ARHGAP23: variants seen among roughly 807,000 people sequenced by gnomAD.
ARHGAP23 encodes the protein Rho GTPase activating protein 23.
Under a neutral mutation model 136.3 loss-of-function variants are expected in ARHGAP23, and 34 were observed. That is an observed-to-expected ratio of 0.25 (90% confidence interval 0.19 to 0.33). The LOEUF (loss-of-function observed/expected upper bound fraction) is 0.33, where lower values mean the gene tolerates loss of function less well. Among genes scored for constraint, ARHGAP23 ranks in the 10% least tolerant of loss-of-function variants. The pLI, the probability that ARHGAP23 is intolerant of heterozygous loss-of-function variation, is 1.00. For synonymous variants in ARHGAP23, 832 were observed against 920.5 expected (o/e 0.90, Z 1.74); for missense variants, 1,808 against 2,139.0 (o/e 0.85, Z 3.05).
chr17:38,469,928 G>A (rs370861381), intron 10 of ARHGAP23, 24 bp downstream of exon 10: 25 of 1,551,154 alleles, frequency 1.6e-5, no homozygotes, highest in African/African-American at 4.1e-5. Flanking sequence ...GTGTGTGTGC[G>A]TGCGCAGGAG....
intron 11 of ARHGAP23, among the ~76,000 whole-genome samples, chr17:38,474,751 G>C (rs1218339933): frequency 7.5e-6 from 1 of 132,528 alleles, no homozygotes; most frequent in African/African-American, 2.5e-5. Context: ...TGAGCCTTGA[G>C]AGAAGTGGGG....
intron 22 of ARHGAP23, among the ~76,000 whole-genome samples, chr17:38,500,080 C>T (rs1361706108): frequency 1.3e-5 from 2 of 152,200 alleles, no homozygotes; most frequent in African/African-American, 4.8e-5. Flanking sequence ...CATTTTTGCC[C>T]TTTTATCCAT....
At chr17:38,495,979 C>A (rs999799109) in intron 20 of ARHGAP23, among the ~76,000 whole-genome samples, 4 of 152,014 alleles carry the variant, frequency 2.6e-5, no homozygotes, top group African/African-American at 9.7e-5. Context: ...CTCACTGCAA[C>A]CTCTGCCTCC....
intron 14 of ARHGAP23, among the ~76,000 whole-genome samples, chr17:38,480,908 G>A (rs1288796064): frequency 2.0e-5 from 3 of 151,910 alleles, no homozygotes; most frequent in Non-Finnish European, 2.9e-5. Context: ...TGAGGCTGGA[G>A]GATTGCTTGA....
intron 1 of ARHGAP23, among the ~76,000 whole-genome samples, chr17:38,422,033 C>G (rs2038525189): frequency 6.6e-6 from 1 of 152,180 alleles, no homozygotes; most frequent in South Asian, 2.1e-4. Flanking sequence ...GGAACAGAAG[C>G]AGGAAGAATT....
chr17:38,433,900 G>T (rs1399318000), intron 1 of ARHGAP23, among the ~76,000 whole-genome samples: 1 of 152,156 alleles, frequency 6.6e-6, no homozygotes, highest in Non-Finnish European at 1.5e-5. Flanking sequence ...CCTGAGGTTG[G>T]CCCCGGGGTT....
intron 16 of ARHGAP23, 30 bp from the exon 17 acceptor site, chr17:38,486,032 C>T: frequency 1.3e-6 from 2 of 1,545,858 alleles, no homozygotes; most frequent in Non-Finnish European, 1.7e-6. Context: ...GCTGGGCCTG[C>T]CTGTGCCTGA....
At chr17:38,494,247 A>G (rs1387479460) in intron 20 of ARHGAP23, among the ~76,000 whole-genome samples, 3 of 152,224 alleles carry the variant, frequency 2.0e-5, no homozygotes, top group Non-Finnish European at 4.4e-5. Flanking sequence ...CCTGTAAAGC[A>G]GAGATGACAA....
chr17:38,459,721 G>A (rs1488901702), intron 2 of ARHGAP23, among the ~76,000 whole-genome samples: 4 of 152,228 alleles, frequency 2.6e-5, no homozygotes, highest in Non-Finnish European at 4.4e-5. Flanking sequence ...TGGCCTGGAG[G>A]CAGGAGGAGG....
intron 1 of ARHGAP23, among the ~76,000 whole-genome samples, chr17:38,423,000 C>T (rs941974592): frequency 6.6e-6 from 1 of 152,184 alleles, no homozygotes; most frequent in South Asian, 2.1e-4. Flanking sequence ...ACAAACCCTG[C>T]CTGCCTCCCA....
In ARHGAP23 at chr17:38,469,831, G is replaced by A. The variant is rs1489244172; in HGVS notation, c.1917-16G>A. 27 of 1,551,470 alleles carry A rather than the reference G, an allele frequency of 1.7e-5. No individual in the cohort carries two copies. The highest frequency in any genetic ancestry group is 1.2e-4 in the Admixed American group (6 of 50,984). ...TTTGCTGCCCACATCCCTCACCCTC[G>A]ACCCTCGCTTTCCAGGCGCCTGCCA... On this transcript the variant is annotated splice_polypyrimidine_tract_variant and intron_variant, in intron 9 of 23. Coordinates refer to ENST00000622683, the MANE Select transcript of ARHGAP23 (RefSeq NM_001199417.2).
rs80289037 is a variant in ARHGAP23, at chr17:38,442,936, A to G, written c.63+14388A>G. 8.5e-5 allele frequency among the ~76,000 whole-genome samples: 13 copies of G among 152,312 alleles called. No homozygotes were observed. In the East Asian group the frequency reaches 2.5e-3, roughly 29 times the overall value. On this transcript the variant is annotated intron_variant, in intron 1 of 23. Transcript: ENST00000622683. ...TGAGCAGACTCCAGAGACATCTAGG[A>G]AGCAGAGTCTACTCCGATGGGGGGA...
intron 23 of ARHGAP23, among the ~76,000 whole-genome samples, chr17:38,502,158 T>G (rs1463794229): frequency 6.6e-6 from 1 of 152,090 alleles, no homozygotes; most frequent in East Asian, 1.9e-4. Context: ...ACAAAAAAAT[T>G]AGCTGGGTGT....
intron 7 of ARHGAP23, among the ~76,000 whole-genome samples, chr17:38,468,763 G>A (rs1039893498): frequency 6.6e-6 from 1 of 152,172 alleles, no homozygotes; most frequent in Non-Finnish European, 1.5e-5. Flanking sequence ...GTCTGATGGG[G>A]AAGACACTGC....
At chr17:38,505,790 T>G (rs1333271175) in intron 23 of ARHGAP23, among the ~76,000 whole-genome samples, 21 of 151,578 alleles carry the variant, frequency 1.4e-4, no homozygotes, top group Admixed American at 1.3e-3. Context: ...TAGCTGGGGG[T>G]GGTGGTGCAC....
intron 23 of ARHGAP23, among the ~76,000 whole-genome samples, chr17:38,501,845 T>A (rs987910169): frequency 4.0e-5 from 6 of 151,568 alleles, no homozygotes; most frequent in Admixed American, 6.6e-5. Context: ...AGGAATTTTT[T>A]AAATTTTTAA....
rs899671245 is a variant in ARHGAP23 at position 38,461,034 on chromosome 17, C to A, written c.253+102C>A. ...GACTGCCTGTCCTTTTCTGTGCCCCCCTCCCTTGACTCCTGTTCCTGCCTT... is the reference window on the plus strand; with the variant it reads ...GACTGCCTGTCCTTTTCTGTGCCCCACTCCCTTGACTCCTGTTCCTGCCTT... On this transcript the variant is annotated intron_variant, in intron 3 of 23. Transcript: ENST00000622683. The A allele has an allele frequency of 4.1e-5, 61 of 1,479,984 alleles. No homozygotes were observed. The Middle Eastern group carries it at 1.0e-3, about 25-fold the overall frequency. 91.7% of individuals were successfully genotyped at this position (1,479,984 alleles called of 1,614,324 possible). A position where few individuals can be genotyped will look rare whatever the true frequency, so the allele number is the denominator to read the frequency against.
intron 12 of ARHGAP23, among the ~76,000 whole-genome samples, chr17:38,478,481 C>A (rs1260563280): frequency 1.3e-5 from 2 of 150,786 alleles, no homozygotes; most frequent in Non-Finnish European, 2.9e-5. Context: ...GTGGCGCGAT[C>A]TCAGCTCACT....
Position 38,460,892 on chromosome 17 carries a change from C to G in ARHGAP23, c.226-13C>G. On this transcript the variant is annotated splice_polypyrimidine_tract_variant and intron_variant, in intron 2 of 23. Transcript: ENST00000622683. Reference sequence around the variant, plus strand: ...TGGACTGACGCCCACACCCACTCCTCTGTTCCCTGCAGGAGGAAGAGAATG... The same window carrying G: ...TGGACTGACGCCCACACCCACTCCTGTGTTCCCTGCAGGAGGAAGAGAATG... The G allele has an allele frequency of 6.5e-7, 1 of 1,536,094 alleles. No homozygotes were observed. Among genetic ancestry groups the G allele is most frequent in the Non-Finnish European group, 8.7e-7 (1 of 1,146,880 alleles).
Sources: allele counts gnomAD v4.1 joint callset (sites outside exome capture counted in the v4.1 genomes callset), GRCh38; gene constraint gnomAD v4.1.1; transcripts MANE v1.5; gene names NCBI Gene and HGNC (gene_info 2026-07-23, HGNC 2026-07-21).